CTNNA2: variants seen among roughly 807,000 people sequenced by gnomAD.
The protein encoded by CTNNA2 is catenin alpha-2.
A neutral mutation model predicts 101.0 loss-of-function variants in CTNNA2; 42 were observed. The observed-to-expected ratio is 0.42, with a 90% CI of 0.32 to 0.54. CTNNA2 has a LOEUF of 0.54. Ranked by LOEUF, CTNNA2 falls within the 20% of genes least tolerant of loss-of-function variation. The pLI is 0.14. For missense variants in CTNNA2, 871 were observed against 1,223.1 expected (o/e 0.71, Z 4.29); for synonymous variants, 450 against 456.4 (o/e 0.99, Z 0.18).
At chr2:80,108,849 C>T (rs189473342) in intron 7 of CTNNA2, among the ~76,000 whole-genome samples, 1 of 152,136 alleles carries the variant, frequency 6.6e-6, no homozygotes, top group South Asian at 2.1e-4. Context: ...TTTTTGTTTA[C>T]ACACTTTATG....
At chr2:79,476,632 A>T (rs1236795572) in intron 4 of CTNNA2, among the ~76,000 whole-genome samples, 1 of 152,136 alleles carries the variant, frequency 6.6e-6, no homozygotes, top group East Asian at 1.9e-4. Context: ...GCTACTGCCA[A>T]CTTGACTTCT....
intron 7 of CTNNA2, among the ~76,000 whole-genome samples, chr2:80,073,400 C>T (rs958249680): frequency 6.6e-6 from 1 of 152,040 alleles, no homozygotes; most frequent in African/African-American, 2.4e-5. Flanking sequence ...TAGGTGATGT[C>T]ACTGGGCAGC....
rs181635078 is a variant in CTNNA2 at position 80,647,990 on chromosome 2, G to A, written c.*118G>A. On this transcript the variant is annotated 3_prime_UTR_variant, in exon 19 of 19. Transcript: ENST00000402739. ...ATGCCTCTGGCATGGGGAAATTAAG[G>A]GAACAGTGTCTGTTTGCATGTAAGA... 19 of 936,338 alleles carry A rather than the reference G, an allele frequency of 2.0e-5. No individual in the cohort carries two copies. Among genetic ancestry groups the A allele is most frequent in the Middle Eastern group, 3.4e-4 (1 of 2,918 alleles). The allele number at this position is 936,338 out of a possible 1,614,324, so 58.0% of individuals were successfully genotyped here. A position where few individuals can be genotyped will look rare whatever the true frequency, so the allele number is the denominator to read the frequency against.
At chr2:79,465,893 G>A (rs931954872) in intron 4 of CTNNA2, among the ~76,000 whole-genome samples, 2 of 152,122 alleles carry the variant, frequency 1.3e-5, no homozygotes, top group Non-Finnish European at 2.9e-5. Context: ...TGAGACGATG[G>A]GGGTTTTCTA....
intron 7 of CTNNA2, among the ~76,000 whole-genome samples, chr2:80,326,235 T>C (rs1055761563): frequency 7.2e-5 from 11 of 152,186 alleles, no homozygotes; most frequent in African/African-American, 2.7e-4. Flanking sequence ...CCTCTATATA[T>C]TTTCTACATT....
chr2:79,673,015 A>G (rs1682950568), intron 2 of CTNNA2, among the ~76,000 whole-genome samples: 1 of 152,100 alleles, frequency 6.6e-6, no homozygotes. Context: ...GCCTCTGTGC[A>G]ACATTTTCAA....
At chr2:80,256,707 C>T (rs561864167) in intron 7 of CTNNA2, among the ~76,000 whole-genome samples, 2 of 152,220 alleles carry the variant, frequency 1.3e-5, no homozygotes, top group South Asian at 2.1e-4. Flanking sequence ...TTCATCATTG[C>T]GGCGATCTGG....
chr2:79,977,983 A>G (rs1690987934), intron 7 of CTNNA2, among the ~76,000 whole-genome samples: 1 of 152,158 alleles, frequency 6.6e-6, no homozygotes, highest in Non-Finnish European at 1.5e-5. Flanking sequence ...CAGCTGAAAT[A>G]CTAGTACAGA....
intron 18 of CTNNA2, among the ~76,000 whole-genome samples, chr2:80,641,310 T>C (rs923710457): frequency 1.3e-5 from 2 of 152,196 alleles, no homozygotes; most frequent in Non-Finnish European, 2.9e-5. Context: ...ACAGATTGCT[T>C]TGTGATTTGG....
chr2:79,821,330 T>G (rs530636037), intron 3 of CTNNA2, among the ~76,000 whole-genome samples: 4 of 152,270 alleles, frequency 2.6e-5, no homozygotes, highest in African/African-American at 9.6e-5. Context: ...TGTCTCAGCC[T>G]CCCAAGTAGC....
chr2:79,778,729 C>G (rs973935349), intron 3 of CTNNA2, among the ~76,000 whole-genome samples: 3 of 150,464 alleles, frequency 2.0e-5, no homozygotes, highest in Admixed American at 1.3e-4. Context: ...CCTTGCCTTT[C>G]TTTCTTTCTC....
At chr2:80,001,106 C>A (rs776921611) in intron 7 of CTNNA2, among the ~76,000 whole-genome samples, 1 of 152,272 alleles carries the variant, frequency 6.6e-6, no homozygotes, top group East Asian at 1.9e-4. Context: ...TTTCCATTTA[C>A]ACACAACTTT....
intron 18 of CTNNA2, among the ~76,000 whole-genome samples, chr2:80,633,516 A>G (rs1672511265): frequency 6.6e-6 from 1 of 152,182 alleles, no homozygotes; most frequent in Admixed American, 6.6e-5. Context: ...CAGTTAAAAC[A>G]CATCATAAGG....
intron 4 of CTNNA2, among the ~76,000 whole-genome samples, chr2:79,395,539 C>A (rs974545180): frequency 6.6e-6 from 1 of 152,060 alleles, no homozygotes; most frequent in African/African-American, 2.4e-5. Flanking sequence ...TTGAATGTTG[C>A]CTTAGCACCC....
chr2:79,393,107 T>G (rs1460377298), intron 4 of CTNNA2, among the ~76,000 whole-genome samples: 2 of 152,108 alleles, frequency 1.3e-5, no homozygotes, highest in Non-Finnish European at 2.9e-5. Flanking sequence ...AAAAACTCAC[T>G]GAAGAAAATT....
At chr2:79,609,004 A>G (rs922759989) in intron 1 of CTNNA2, among the ~76,000 whole-genome samples, 1 of 152,130 alleles carries the variant, frequency 6.6e-6, no homozygotes, top group African/African-American at 2.4e-5. Context: ...TCAAGGAAAA[A>G]TCTACTAGAA....
intron 9 of CTNNA2, among the ~76,000 whole-genome samples, chr2:80,533,958 T>C (rs1690768250): frequency 1.3e-5 from 2 of 152,180 alleles, no homozygotes; most frequent in South Asian, 2.1e-4. Context: ...TATTGTATTA[T>C]TTTAAGCCAC....
chr2:79,727,530 A>G (rs1030549864), intron 2 of CTNNA2, among the ~76,000 whole-genome samples: 3 of 152,184 alleles, frequency 2.0e-5, no homozygotes, highest in African/African-American at 7.2e-5. Flanking sequence ...AGTCTATCTC[A>G]GTGGATACAG....
chr2:80,412,891 G>T (rs373038378), intron 8 of CTNNA2, among the ~76,000 whole-genome samples: 1 of 152,206 alleles, frequency 6.6e-6, no homozygotes, highest in South Asian at 2.1e-4. Flanking sequence ...CCGGCCTAAC[G>T]TTGAATGAGC....
Sources: gnomAD v4.1 joint callset for allele counts (sites outside exome capture counted in the v4.1 genomes callset) on GRCh38, gnomAD v4.1.1 for gene constraint, MANE v1.5 for transcripts, NCBI Gene and HGNC (gene_info 2026-07-23, HGNC 2026-07-21) for gene names.